Variants in MSANTD5 observed in about 807,000 individuals in gnomAD.
The protein encoded by MSANTD5 is uncharacterized protein MSANTD5.
At chr5:178,693,204 T>C (rs1431915240), downstream of MSANTD5, among the ~76,000 whole-genome samples, 1 of 151,842 alleles carries the variant, frequency 6.6e-6, no homozygotes, top group East Asian at 1.9e-4. Flanking sequence ...TCCCAGCTAC[T>C]TGAGAGGCTG....
chr5:178,698,275 T>C (rs1222306402), upstream of MSANTD5, among the ~76,000 whole-genome samples: 2 of 152,120 alleles, frequency 1.3e-5, no homozygotes, highest in African/African-American at 4.8e-5. Flanking sequence ...GAGATTTACA[T>C]ATACAGAAAT....
chr5:178,702,547 C>T (rs1765500353), upstream of MSANTD5, among the ~76,000 whole-genome samples: 1 of 151,526 alleles, frequency 6.6e-6, no homozygotes, highest in African/African-American at 2.4e-5. Context: ...GATCCGCCTG[C>T]CTCGCCCTCC....
chr5:178,706,715 G>A, the MSANTD5 span, among the ~76,000 whole-genome samples: 2 of 151,820 alleles, frequency 1.3e-5, no homozygotes, highest in Non-Finnish European at 2.9e-5. Flanking sequence ...TTTCCCTAGA[G>A]TGTCGGCTTT....
downstream of MSANTD5, among the ~76,000 whole-genome samples, chr5:178,693,304 T>A (rs1395241153): frequency 1.3e-5 from 2 of 152,020 alleles, no homozygotes; most frequent in African/African-American, 4.8e-5. Context: ...ATAGTGAGAC[T>A]CCGTCTCAAA....
chr5:178,699,462 C>A (rs1225638936), upstream of MSANTD5, among the ~76,000 whole-genome samples: 1 of 151,268 alleles, frequency 6.6e-6, no homozygotes, highest in African/African-American at 2.4e-5. Flanking sequence ...GAGTCTCACT[C>A]TCTCACCCAA....
At chr5:178,697,317 G>A (rs1041103400) in intron 1 of MSANTD5, among the ~76,000 whole-genome samples, 13 of 151,752 alleles carry the variant, frequency 8.6e-5, no homozygotes, top group South Asian at 2.1e-4. Flanking sequence ...AGCCGGGCGT[G>A]GTGGCGGGCG....
upstream of MSANTD5, among the ~76,000 whole-genome samples, chr5:178,700,118 C>T (rs548031200): frequency 1.3e-5 from 2 of 152,242 alleles, no homozygotes; most frequent in African/African-American, 2.4e-5. Flanking sequence ...CCATCAGGCC[C>T]GCTCCTCCTG....
upstream of MSANTD5, among the ~76,000 whole-genome samples, chr5:178,701,603 C>T (rs1178084129): frequency 4.7e-5 from 7 of 150,240 alleles, no homozygotes; most frequent in African/African-American, 7.3e-5. Flanking sequence ...ACCTGGGAGG[C>T]GGAGGTTGCA....
chr5:178,699,469 C>A (rs1765454169), upstream of MSANTD5, among the ~76,000 whole-genome samples: 1 of 150,506 alleles, frequency 6.6e-6, no homozygotes, highest in Non-Finnish European at 1.5e-5. Context: ...ACTCTCTCAC[C>A]CAAGCTGGAG....
At chr5:178,692,293 T>C (rs1047103315), downstream of MSANTD5, among the ~76,000 whole-genome samples, 2 of 149,128 alleles carry the variant, frequency 1.3e-5, no homozygotes, top group Non-Finnish European at 3.0e-5. Context: ...GGCAGGAGAG[T>C]TGCTTGAAAC....
the MSANTD5 span, among the ~76,000 whole-genome samples, chr5:178,704,949 G>A: frequency 6.6e-5 from 10 of 152,186 alleles, no homozygotes; most frequent in South Asian, 2.1e-4. Context: ...TCGCTGTGCC[G>A]GACGGGAGCA....
the MSANTD5 span, among the ~76,000 whole-genome samples, chr5:178,704,470 C>T: frequency 6.6e-6 from 1 of 152,220 alleles, no homozygotes; most frequent in Admixed American, 6.5e-5. Context: ...CCTCACCAGA[C>T]ACCAAATCTA....
At chr5:178,704,159 G>C in the MSANTD5 span, among the ~76,000 whole-genome samples, 359 of 152,252 alleles carry the variant, frequency 2.4e-3, 1 homozygote, top group African/African-American at 7.9e-3. Context: ...CACAGCCACA[G>C]TTTTGCAATT....
the MSANTD5 span, among the ~76,000 whole-genome samples, chr5:178,702,832 C>T: frequency 6.6e-5 from 10 of 152,224 alleles, no homozygotes; most frequent in South Asian, 6.2e-4. Context: ...CTCCTGACCT[C>T]GTGATCTGTC....
chr5:178,704,757 G>A, the MSANTD5 span, among the ~76,000 whole-genome samples: 2 of 152,170 alleles, frequency 1.3e-5, no homozygotes, highest in African/African-American at 4.8e-5. Context: ...AGGAGTCACT[G>A]TTTTAGTGAC....
the MSANTD5 span, among the ~76,000 whole-genome samples, chr5:178,706,652 A>G: frequency 2.0e-5 from 3 of 151,948 alleles, no homozygotes; most frequent in African/African-American, 7.3e-5. Context: ...GGAAGGATAG[A>G]GAGAATGGGG....
downstream of MSANTD5, among the ~76,000 whole-genome samples, chr5:178,691,853 T>C (rs1442923883): frequency 2.9e-5 from 4 of 135,666 alleles, 1 homozygote; most frequent in Non-Finnish European, 6.7e-5. Flanking sequence ...CACCGCTTTG[T>C]CATGCTGTGC....
chr5:178,700,871 G>A (rs1405378281), upstream of MSANTD5, among the ~76,000 whole-genome samples: 1 of 152,222 alleles, frequency 6.6e-6, no homozygotes, highest in Non-Finnish European at 1.5e-5. Flanking sequence ...GACTTCTTGA[G>A]CTTTGAGATT....
chr5:178,703,258 C>T, the MSANTD5 span, among the ~76,000 whole-genome samples: 15 of 152,336 alleles, frequency 9.8e-5, no homozygotes, highest in East Asian at 1.4e-3. Context: ...AGGGCGCCCA[C>T]GGGCAGGGTC....
Sources: gnomAD v4.1 joint callset for allele counts (sites outside exome capture counted in the v4.1 genomes callset) on GRCh38, gnomAD v4.1.1 for gene constraint, MANE v1.5 for transcripts, NCBI Gene and HGNC (gene_info 2026-07-23, HGNC 2026-07-21) for gene names.